The following SPMAP2L variants were observed in gnomAD, a reference collection of about 807,000 sequenced individuals.
The protein encoded by SPMAP2L is sperm microtubule associated protein 2-like.
At chr4:56,573,519 T>C in the SPMAP2L span, among the ~76,000 whole-genome samples, 1 of 152,176 alleles carries the variant, frequency 6.6e-6, no homozygotes, top group Middle Eastern at 3.2e-3. Context: ...GTGCCGCTCA[T>C]TGGCTGCGTA....
the SPMAP2L span, chr4:56,584,655 A>G: frequency 7.8e-7 from 1 of 1,279,490 alleles, no homozygotes; most frequent in Non-Finnish European, 1.1e-6. Flanking sequence ...ATTGACTTGT[A>G]ACATGCTGCC....
At chr4:56,532,724 A>C in the SPMAP2L span, among the ~76,000 whole-genome samples, 1 of 152,186 alleles carries the variant, frequency 6.6e-6, no homozygotes, top group African/African-American at 2.4e-5. Flanking sequence ...GCTCTAGTTT[A>C]CTGCTTTTCT....
the SPMAP2L span, among the ~76,000 whole-genome samples, chr4:56,595,832 G>A: frequency 3.9e-5 from 6 of 152,166 alleles, no homozygotes; most frequent in Admixed American, 3.9e-4. Flanking sequence ...TTTATATACT[G>A]TGTATATCTC....
chr4:56,577,054 A>G, the SPMAP2L span, among the ~76,000 whole-genome samples: 2 of 150,498 alleles, frequency 1.3e-5, no homozygotes, highest in Non-Finnish European at 2.9e-5. Flanking sequence ...TATAAAGCCA[A>G]GATTTTCCTT....
the SPMAP2L span, among the ~76,000 whole-genome samples, chr4:56,584,937 G>A: frequency 1.7e-4 from 26 of 152,158 alleles, no homozygotes; most frequent in Non-Finnish European, 2.8e-4. Flanking sequence ...GATATAATAG[G>A]GGCAAGTCAG....
the SPMAP2L span, among the ~76,000 whole-genome samples, chr4:56,583,076 C>G: frequency 6.6e-6 from 1 of 152,076 alleles, no homozygotes; most frequent in South Asian, 2.1e-4. Context: ...CGTTCGAGAA[C>G]AGCCTGGCCA....
At chr4:56,552,468 C>T in the SPMAP2L span, 3 of 654,448 alleles carry the variant, frequency 4.6e-6, no homozygotes, top group Admixed American at 4.9e-5. Context: ...TTTTTTTTCC[C>T]CCCTCCTATG....
chr4:56,616,409 AAC>A, the SPMAP2L span, among the ~76,000 whole-genome samples: 1 of 152,206 alleles, frequency 6.6e-6, no homozygotes, highest in Admixed American at 6.5e-5. Flanking sequence ...TTAAGACTTC[AAC>A]ACATGAATTT....
At chr4:56,543,897 T>A in the SPMAP2L span, among the ~76,000 whole-genome samples, 16,316 of 68,646 alleles carry the variant, frequency 0.24, 1,075 homozygotes, top group East Asian at 0.36. Context: ...AGAGAGAGAG[T>A]GTGTGTGTGT....
At chr4:56,564,914 T>A in the SPMAP2L span, among the ~76,000 whole-genome samples, 4 of 152,206 alleles carry the variant, frequency 2.6e-5, no homozygotes, top group Admixed American at 6.5e-5. Context: ...TTTGATATCA[T>A]GTTTGAGCCA....
chr4:56,543,973 TGAGAGA>T, the SPMAP2L span, among the ~76,000 whole-genome samples: 16,333 of 127,118 alleles, frequency 0.13, 1,208 homozygotes, highest in African/African-American at 0.19. Flanking sequence ...TGTGTGTATG[TGAGAGA>T]GAGAGAGAGA....
chr4:56,539,515 A>G, the SPMAP2L span, among the ~76,000 whole-genome samples: 85 of 152,180 alleles, frequency 5.6e-4, no homozygotes, highest in Middle Eastern at 3.4e-3. Flanking sequence ...TCTGCCTCCC[A>G]GGTTCAAGCG....
At chr4:56,542,728 C>CT in the SPMAP2L span, among the ~76,000 whole-genome samples, 2 of 147,256 alleles carry the variant, frequency 1.4e-5, no homozygotes, top group South Asian at 4.3e-4. Flanking sequence ...TAGCATCACA[C>CT]TTTGAGTAAG....
chr4:56,574,055 A>G, the SPMAP2L span, among the ~76,000 whole-genome samples: 142 of 152,296 alleles, frequency 9.3e-4, no homozygotes, highest in South Asian at 2.3e-3. Context: ...CTGGGGGGGT[A>G]GTCAATGTCA....
the SPMAP2L span, chr4:56,530,606 A>G: frequency 3.4e-6 from 5 of 1,485,498 alleles, no homozygotes; most frequent in Non-Finnish European, 4.5e-6. Context: ...CGTATCGCGC[A>G]GAGAGCAAAC....
At chr4:56,599,111 ATTTC>A in the SPMAP2L span, among the ~76,000 whole-genome samples, 1,366 of 152,112 alleles carry the variant, frequency 9.0e-3, 13 homozygotes, top group Middle Eastern at 0.044. Context: ...CATCTCAGAT[ATTTC>A]TTCATAGCAG....
the SPMAP2L span, among the ~76,000 whole-genome samples, chr4:56,571,635 C>T: frequency 0.36 from 55,057 of 151,866 alleles, 11,372 homozygotes; most frequent in Admixed American, 0.46. Flanking sequence ...AATTTGAGGC[C>T]AAGAGTTCAA....
the SPMAP2L span, among the ~76,000 whole-genome samples, chr4:56,540,316 G>A: frequency 1.3e-5 from 2 of 152,178 alleles, no homozygotes; most frequent in Non-Finnish European, 2.9e-5. Flanking sequence ...GCTGAGGCAG[G>A]TGGGTCACCT....
the SPMAP2L span, among the ~76,000 whole-genome samples, chr4:56,554,583 T>C: frequency 6.6e-6 from 1 of 152,228 alleles, no homozygotes; most frequent in Non-Finnish European, 1.5e-5. Context: ...GATACTTGTT[T>C]TGCAAATATT....
Sources: gnomAD v4.1 joint callset for allele counts (sites outside exome capture counted in the v4.1 genomes callset) on GRCh38, gnomAD v4.1.1 for gene constraint, MANE v1.5 for transcripts, NCBI Gene and HGNC (gene_info 2026-07-23, HGNC 2026-07-21) for gene names.